KCNH5: variants seen among roughly 807,000 people sequenced by gnomAD.
KCNH5 encodes voltage-gated delayed rectifier potassium channel KCNH5.
KCNH5 carries 46 observed loss-of-function variants against 96.1 expected under a neutral mutation model. The observed-to-expected ratio is 0.48, with a 90% CI of 0.38 to 0.61. KCNH5 has a LOEUF of 0.61. Ranked by LOEUF, KCNH5 falls within the 20% of genes least tolerant of loss-of-function variation. The pLI, the probability that KCNH5 is intolerant of heterozygous loss-of-function variation, is 0.00. For missense variants in KCNH5, 907 were observed against 1,225.8 expected, an observed-to-expected ratio of 0.74 and a Z score of 3.88; for synonymous variants, 439 against 449.8, an observed-to-expected ratio of 0.98 and a Z score of 0.30.
intron 7 of KCNH5, among the ~76,000 whole-genome samples, chr14:62,901,058 G>A (rs1236499622): frequency 2.6e-5 from 4 of 151,870 alleles, no homozygotes; most frequent in African/African-American, 7.3e-5. Context: ...GCATGATCTC[G>A]GCTCAATACA....
intron 7 of KCNH5, among the ~76,000 whole-genome samples, chr14:62,866,654 T>C (rs1231807222): frequency 6.6e-6 from 1 of 152,180 alleles, no homozygotes; most frequent in Non-Finnish European, 1.5e-5. Context: ...TGACTGAGGC[T>C]GACAGCTGTC....
chr14:62,741,250 A>T (rs1885265162), intron 10 of KCNH5, among the ~76,000 whole-genome samples: 1 of 152,112 alleles, frequency 6.6e-6, no homozygotes, highest in South Asian at 2.1e-4. Context: ...ACGATACTAT[A>T]TTTTCAGATA....
At chr14:62,758,143 CAAAA>C (rs57935686) in intron 10 of KCNH5, among the ~76,000 whole-genome samples, 2 of 104,122 alleles carry the variant, frequency 1.9e-5, no homozygotes, top group Non-Finnish European at 4.0e-5. Context: ...GACTCCATCT[CAAAA>C]AAAAAAAAAA....
intron 7 of KCNH5, among the ~76,000 whole-genome samples, chr14:62,927,499 G>A (rs1448595611): frequency 6.6e-6 from 1 of 152,110 alleles, no homozygotes; most frequent in African/African-American, 2.4e-5. Context: ...TCCATCAACA[G>A]ATGCATGCAT....
chr14:62,777,727 C>T (rs761855), intron 10 of KCNH5, among the ~76,000 whole-genome samples: 53,589 of 151,934 alleles, frequency 0.35, 9,787 homozygotes, highest in South Asian at 0.63. Flanking sequence ...GAGACAGGCA[C>T]AGCGTTTCTG....
chr14:62,861,673 C>CACACAT (rs1371234433), intron 7 of KCNH5, among the ~76,000 whole-genome samples: 1,930 of 148,752 alleles, frequency 0.013, 54 homozygotes, highest in African/African-American at 0.044. Flanking sequence ...CACACACACA[C>CACACAT]ACGGTATAAT....
At chr14:63,042,049 T>G (rs918267611) in intron 1 of KCNH5, among the ~76,000 whole-genome samples, 1 of 152,146 alleles carries the variant, frequency 6.6e-6, no homozygotes, top group African/African-American at 2.4e-5. Context: ...TTCAGTTCAT[T>G]GGTGATACCC....
intron 10 of KCNH5, among the ~76,000 whole-genome samples, chr14:62,750,821 A>C (rs1256144653): frequency 6.6e-6 from 1 of 152,176 alleles, no homozygotes; most frequent in Admixed American, 6.6e-5. Context: ...TTTTGAGCTG[A>C]GGTAGAAGCT....
chr14:62,981,154 C>T lies in KCNH5; in HGVS notation c.660G>A (p.Val220=). ...YCAFKTTWDW[V]ILILTFYTAI... The stretch of plus-strand genomic sequence containing the variant: ...CGGTGTAGAAGGTAAGAATTAAAAT[C>T]ACCCAATCCCAAGTAGTTTTAAAAG... Residue 220 remains valine, a synonymous_variant, in exon 6 of 11, where the codon GTG becomes GTA. Coordinates refer to ENST00000322893, the MANE Select transcript of KCNH5 (RefSeq NM_139318.5). 6.2e-7 allele frequency: 1 copy of T among 1,614,138 alleles called. No individual in the cohort carries two copies. Among genetic ancestry groups the T allele is most frequent in the Non-Finnish European group, 8.5e-7 (1 of 1,180,002 alleles).
At chr14:62,826,182 A>G (rs1887220072) in intron 8 of KCNH5, among the ~76,000 whole-genome samples, 1 of 150,506 alleles carries the variant, frequency 6.6e-6, no homozygotes, top group Non-Finnish European at 1.5e-5. Flanking sequence ...TGCTATTTAA[A>G]CTCTTCTTTC....
chr14:62,944,783 C>T (rs1187011523), intron 7 of KCNH5, among the ~76,000 whole-genome samples: 1 of 152,038 alleles, frequency 6.6e-6, no homozygotes, highest in Non-Finnish European at 1.5e-5. Context: ...ACCAAGGACC[C>T]AAGGACTAAA....
chr14:62,976,868 A>G (rs1001935410), intron 6 of KCNH5, among the ~76,000 whole-genome samples: 7 of 152,210 alleles, frequency 4.6e-5, no homozygotes, highest in East Asian at 1.9e-4. Context: ...TAAGAAAATG[A>G]TATCGATAGA....
intron 10 of KCNH5, among the ~76,000 whole-genome samples, chr14:62,749,679 AG>A (rs1373789654): frequency 6.6e-6 from 1 of 152,182 alleles, no homozygotes; most frequent in Non-Finnish European, 1.5e-5. Flanking sequence ...TTATTTCAAA[AG>A]GGCTGAGCTG....
At chr14:62,882,100 TAAAAAAAAA>T (rs143123435) in intron 7 of KCNH5, among the ~76,000 whole-genome samples, 14 of 76,672 alleles carry the variant, frequency 1.8e-4, no homozygotes, top group Non-Finnish European at 2.5e-4. Context: ...CCCCATTTCT[TAAAAAAAAA>T]AAAAAAAAAA....
chr14:62,702,064 A>G lies in KCNH5; in HGVS notation c.*5444T>C, dbSNP rs1036065388. The G allele has an allele frequency of 1.3e-5, 2 of 152,254 alleles. No homozygotes were observed. Among genetic ancestry groups the G allele is most frequent in the East Asian group, 1.9e-4 (1 of 5,190 alleles). 9.4% of individuals were successfully genotyped at this position (152,254 alleles called of 1,614,324 possible). ...AAGAAAAAGAAATTATAGAAAAAAA[A>G]TCCTGAATGACTCTTGCTTTCCTTA... On this transcript the variant is annotated 3_prime_UTR_variant, in exon 11 of 11. Coordinates refer to ENST00000322893, the MANE Select transcript of KCNH5 (RefSeq NM_139318.5).
intron 2 of KCNH5, among the ~76,000 whole-genome samples, chr14:63,008,445 C>T (rs1454376797): frequency 6.6e-6 from 1 of 151,588 alleles, no homozygotes; most frequent in Non-Finnish European, 1.5e-5. Flanking sequence ...AATAGCAGCA[C>T]CACATTACAA....
At chr14:62,974,614 G>A (rs188276455) in intron 6 of KCNH5, among the ~76,000 whole-genome samples, 33 of 152,204 alleles carry the variant, frequency 2.2e-4, no homozygotes, top group Admixed American at 4.6e-4. Flanking sequence ...TTCAGAGAGC[G>A]TGTCGACAAT....
At chr14:62,903,555 T>C (rs1197072675) in intron 7 of KCNH5, among the ~76,000 whole-genome samples, 1 of 152,196 alleles carries the variant, frequency 6.6e-6, no homozygotes, top group Admixed American at 6.5e-5. Flanking sequence ...TCAGATAATA[T>C]GTAAGGTCCT....
Position 62,705,132 on chromosome 14 carries a change from C to G in KCNH5, c.*2376G>C, listed in dbSNP as rs1884406070. The G allele has an allele frequency of 6.6e-6, 1 of 151,944 alleles. No individual in the cohort carries two copies. Among genetic ancestry groups the G allele is most frequent in the Non-Finnish European group, 1.5e-5 (1 of 67,848 alleles). The allele number at this position is 151,944 out of a possible 1,614,324, so 9.4% of individuals were successfully genotyped here. On this transcript the variant is annotated 3_prime_UTR_variant, in exon 11 of 11. Transcript: ENST00000322893. ...CCATTATGTTTCTCACATATATGAA[C>G]AATAACATTGTAGGTCGATTAGGTG... is the stretch of plus-strand genomic sequence containing the variant.
Sources: gnomAD v4.1 joint callset for allele counts (sites outside exome capture counted in the v4.1 genomes callset) on GRCh38, gnomAD v4.1.1 for gene constraint, MANE v1.5 for transcripts, NCBI Gene and HGNC (gene_info 2026-07-23, HGNC 2026-07-21) for gene names.